OR2L3: variants seen among roughly 807,000 people sequenced by gnomAD.
OR2L3 encodes olfactory receptor 2L3.
For missense variants in OR2L3, 369 were observed against 376.6 expected, an observed-to-expected ratio of 0.98 and a Z score of 0.17; for synonymous variants, 131 against 139.1, an observed-to-expected ratio of 0.94 and a Z score of 0.41.
chr1:248,056,724 T>A (rs1663445606), intron 1 of OR2L3, among the ~76,000 whole-genome samples: 1 of 149,532 alleles, frequency 6.7e-6, no homozygotes, highest in Admixed American at 6.8e-5. Context: ...CTCTGCTCAC[T>A]TCAACTTTTG....
intron 1 of OR2L3, among the ~76,000 whole-genome samples, chr1:248,058,717 ATATAT>A (rs1396573544): frequency 6.6e-6 from 1 of 151,980 alleles, no homozygotes; most frequent in Admixed American, 6.6e-5. Context: ...ATGATGGTTA[ATATAT>A]TTCATTTCAG....
At chr1:248,057,528 T>A (rs1663472241) in intron 1 of OR2L3, among the ~76,000 whole-genome samples, 1 of 152,210 alleles carries the variant, frequency 6.6e-6, no homozygotes, top group South Asian at 2.1e-4. Flanking sequence ...TCTGTGTGCA[T>A]CTTTGCACAT....
intron 1 of OR2L3, among the ~76,000 whole-genome samples, chr1:248,050,173 T>C (rs1382271281): frequency 3.3e-5 from 5 of 152,106 alleles, no homozygotes; most frequent in African/African-American, 4.8e-5. Context: ...TCCTACTCAC[T>C]CTGAAATAGT....
rs750639207 is a variant in OR2L3, at chr1:248,060,706, A to T, written c.25A>T (p.Thr9Ser). Reference protein sequence around the residue: MENYNQTSTDFILLGFFPP... With the variant: MENYNQTSSDFILLGFFPP... Reference sequence around the variant, plus strand: ...CATGGAAAATTACAATCAAACATCAACTGATTTCATCTTATTAGGATTCTT... The same window carrying T: ...CATGGAAAATTACAATCAAACATCATCTGATTTCATCTTATTAGGATTCTT... The change falls in exon 2 of 2, where the codon ACT becomes TCT. Residue 9 changes from threonine to serine, a missense_variant. By Grantham distance (58) the Thr-to-Ser change is moderately conservative. Coordinates refer to ENST00000359959, the MANE Select transcript of OR2L3 (RefSeq NM_001004687.2). The T allele has an allele frequency of 6.2e-7, 1 of 1,613,358 alleles. No homozygotes were observed. The highest frequency in any genetic ancestry group is 1.3e-5 in the African/African-American group (1 of 74,848).
At chr1:248,048,147 C>G (rs939868234) in intron 1 of OR2L3, among the ~76,000 whole-genome samples, 1 of 152,170 alleles carries the variant, frequency 6.6e-6, no homozygotes, top group Non-Finnish European at 1.5e-5. Context: ...TGTCTGCCCA[C>G]TTACCTGTGT....
chr1:248,056,485 C>A (rs766299133), intron 1 of OR2L3, among the ~76,000 whole-genome samples: 2 of 152,044 alleles, frequency 1.3e-5, no homozygotes, highest in African/African-American at 4.8e-5. Flanking sequence ...TTGCTTTGTG[C>A]ATTTAGTGCA....
intron 1 of OR2L3, among the ~76,000 whole-genome samples, chr1:248,047,351 C>T (rs1220989662): frequency 6.6e-6 from 1 of 152,022 alleles, no homozygotes; most frequent in Non-Finnish European, 1.5e-5. Flanking sequence ...TATATGAATC[C>T]AGTGTTTCTA....
intron 1 of OR2L3, among the ~76,000 whole-genome samples, chr1:248,060,136 C>T (rs57684757): frequency 0.29 from 43,936 of 151,854 alleles, 10,391 homozygotes; most frequent in African/African-American, 0.66. Flanking sequence ...TGCATTTATA[C>T]TGACTTTCTA....
In OR2L3 at chr1:248,061,023, G is replaced by A. The variant is rs755495029; in HGVS notation, c.342G>A (p.Leu114=). ...SALGGAEALL[L]ASMAYDRYIA... Reference sequence around the variant, plus strand: ...TAGGAGGTGCAGAAGCACTACTTTTGGCATCTATGGCCTATGATCGTTACA... The same window carrying A: ...TAGGAGGTGCAGAAGCACTACTTTTAGCATCTATGGCCTATGATCGTTACA... The change falls in exon 2 of 2, where the codon TTG becomes TTA. Residue 114 remains leucine (L), a synonymous_variant. Coordinates refer to ENST00000359959, the MANE Select transcript of OR2L3 (RefSeq NM_001004687.2). 4.3e-6 allele frequency: 7 copies of A among 1,613,978 alleles called. No homozygotes were observed. The South Asian group carries it at 7.7e-5, about 18-fold the overall frequency.
intron 1 of OR2L3, among the ~76,000 whole-genome samples, chr1:248,055,496 C>G (rs1663405265): frequency 6.6e-6 from 1 of 152,250 alleles, no homozygotes; most frequent in South Asian, 2.1e-4. Context: ...TGACTCATGC[C>G]TGTAATCCCA....
intron 1 of OR2L3, among the ~76,000 whole-genome samples, chr1:248,049,873 C>G (rs1663203393): frequency 2.0e-5 from 3 of 152,034 alleles, no homozygotes; most frequent in Admixed American, 2.0e-4. Context: ...GTTTATTTAT[C>G]TAGATGTCAC....
intron 1 of OR2L3, among the ~76,000 whole-genome samples, chr1:248,049,910 A>G (rs944085563): frequency 2.0e-5 from 3 of 152,192 alleles, no homozygotes; most frequent in African/African-American, 7.2e-5. Context: ...GTATGTATAT[A>G]TGTATATATG....
intron 1 of OR2L3, among the ~76,000 whole-genome samples, chr1:248,058,287 A>AC (rs1482719951): frequency 1.3e-5 from 2 of 152,210 alleles, no homozygotes; most frequent in South Asian, 2.1e-4. Flanking sequence ...TTCAGACAAT[A>AC]CATTCATCTG....
chr1:248,048,173 C>G (rs1210104862), intron 1 of OR2L3, among the ~76,000 whole-genome samples: 1 of 152,154 alleles, frequency 6.6e-6, no homozygotes, highest in Admixed American at 6.5e-5. Context: ...TCTGTGAGAG[C>G]TGATGCACCA....
At chr1:248,054,156 A>T (rs1261372010) in intron 1 of OR2L3, among the ~76,000 whole-genome samples, 1 of 152,160 alleles carries the variant, frequency 6.6e-6, no homozygotes. Flanking sequence ...GAAGGAATCC[A>T]GTTTCTATTT....
At chr1:248,056,635 T>C (rs1027137720) in intron 1 of OR2L3, among the ~76,000 whole-genome samples, 1 of 151,518 alleles carries the variant, frequency 6.6e-6, no homozygotes, top group African/African-American at 2.4e-5. Flanking sequence ...AGGAGCAGGT[T>C]GTTCTATTTC....
At chr1:248,059,917 G>T (rs954545459) in intron 1 of OR2L3, among the ~76,000 whole-genome samples, 1 of 151,934 alleles carries the variant, frequency 6.6e-6, no homozygotes, top group Non-Finnish European at 1.5e-5. Context: ...GCTTGTGGTC[G>T]TAGTCTCAGC....
At chr1:248,058,518 T>C (rs1312090885) in intron 1 of OR2L3, among the ~76,000 whole-genome samples, 1 of 152,138 alleles carries the variant, frequency 6.6e-6, no homozygotes, top group Admixed American at 6.5e-5. Context: ...TATAAACTAT[T>C]GTAAAACCTG....
chr1:248,055,221 G>C (rs1663395804), intron 1 of OR2L3, among the ~76,000 whole-genome samples: 1 of 152,082 alleles, frequency 6.6e-6, no homozygotes, highest in African/African-American at 2.4e-5. Context: ...CTTTAGTTCT[G>C]TTTATGTGAT....
Sources: allele counts gnomAD v4.1 joint callset (sites outside exome capture counted in the v4.1 genomes callset), GRCh38; gene constraint gnomAD v4.1.1; transcripts MANE v1.5; gene names NCBI Gene and HGNC (gene_info 2026-07-23, HGNC 2026-07-21).